GNG7: variants seen among roughly 807,000 people sequenced by gnomAD.
GNG7 encodes G protein subunit gamma 7.
In GNG7, 1 loss-of-function variant was observed where a neutral mutation model predicts 4.0. The observed-to-expected ratio is 0.25, with a 90% CI of 0.09 to 1.18. GNG7 has a LOEUF of 1.18. GNG7 is among the 50% of genes most tolerant of loss of function. The pLI, the probability that GNG7 is intolerant of heterozygous loss-of-function variation, is 0.50. For missense variants in GNG7, 86 were observed against 91.9 expected (o/e 0.94, Z 0.26); for synonymous variants, 34 against 36.9 (o/e 0.92, Z 0.29).
chr19:2,597,041 T>C lies in GNG7; in HGVS notation c.-77-41853A>G, dbSNP rs1373948694. 2.0e-5 allele frequency among the ~76,000 whole-genome samples: 3 copies of C among 151,992 alleles called. No homozygotes were observed. The East Asian group carries it at 5.8e-4, about 29-fold the overall frequency. Reference sequence around the variant, plus strand: ...TTGGAGGCTGAGGTGGGAAGATCACTTGAGGCCAGGAGTTCAAGATCATCC... The same window carrying C: ...TTGGAGGCTGAGGTGGGAAGATCACCTGAGGCCAGGAGTTCAAGATCATCC... On this transcript the variant is annotated intron_variant, in intron 2 of 4. Transcript: ENST00000382159.
chr19:2,558,784 T>C (rs2144766875), intron 2 of GNG7, among the ~76,000 whole-genome samples: 1 of 150,978 alleles, frequency 6.6e-6, no homozygotes, highest in East Asian at 1.9e-4. Context: ...CTTTCTTCTC[T>C]CTCTTTCCTT....
At chr19:2,598,677 A>AAAT (rs56068932) in intron 2 of GNG7, among the ~76,000 whole-genome samples, 3,545 of 140,946 alleles carry the variant, frequency 0.025, 53 homozygotes, top group East Asian at 0.033. Flanking sequence ...AAAAGTAATA[A>AAAT]AATAATAATA....
intron 1 of GNG7, among the ~76,000 whole-genome samples, chr19:2,663,351 C>CT (rs1296719522): frequency 1.3e-5 from 2 of 151,632 alleles, no homozygotes; most frequent in African/African-American, 4.9e-5. Flanking sequence ...TCTCTCCCCC[C>CT]CCTCCTCTTT....
intron 3 of GNG7, among the ~76,000 whole-genome samples, chr19:2,528,122 T>A (rs769697926): frequency 6.7e-6 from 1 of 149,982 alleles, no homozygotes; most frequent in Non-Finnish European, 1.5e-5. Flanking sequence ...TACAAAAAAA[T>A]GAGCCAGGCA....
chr19:2,656,760 C>G (rs1982986432), intron 1 of GNG7, among the ~76,000 whole-genome samples: 1 of 152,118 alleles, frequency 6.6e-6, no homozygotes. Context: ...TCCTACAGCA[C>G]AGCTGGGAGG....
chr19:2,539,820 G>T (rs541592966), intron 3 of GNG7, among the ~76,000 whole-genome samples: 1 of 129,914 alleles, frequency 7.7e-6, no homozygotes, highest in Non-Finnish European at 1.7e-5. Context: ...ACACACCATC[G>T]CAGGAACTCA....
At position 2,676,193 on chromosome 19, in the gene GNG7, A is replaced by G. The variant is rs1426184765; in HGVS notation, c.-135+26453T>C. On this transcript the variant is annotated intron_variant, in intron 1 of 4. Transcript: ENST00000382159. ...TTCTGGGCCGGGAACGGCCCTGCCC[A>G]CACCTTCGTCTCAGACTTCTGGCTT... Among the ~76,000 whole-genome samples the G allele has an allele frequency of 2.0e-5, 3 of 152,328 alleles. No individual in the cohort carries two copies. The South Asian group carries it at 6.2e-4, about 32-fold the overall frequency.
Position 2,587,228 on chromosome 19 carries a change from G to A in GNG7, c.-77-32040C>T, listed in dbSNP as rs978708398. Among the ~76,000 whole-genome samples the A allele has an allele frequency of 3.9e-5, 6 of 152,002 alleles. No individual in the cohort carries two copies. The East Asian group carries it at 1.2e-3, about 29-fold the overall frequency. On this transcript the variant is annotated intron_variant, in intron 2 of 4. Coordinates refer to ENST00000382159, the MANE Select transcript of GNG7 (RefSeq NM_052847.3). ...GTGACCTGCACACAATCACCAGATCGTCCCTGAGCATCTGGCTCTAGGGTC... is the reference window on the plus strand; with the variant it reads ...GTGACCTGCACACAATCACCAGATCATCCCTGAGCATCTGGCTCTAGGGTC...
At chr19:2,531,228 C>T (rs1274820639) in intron 3 of GNG7, among the ~76,000 whole-genome samples, 6 of 139,110 alleles carry the variant, frequency 4.3e-5, no homozygotes, top group South Asian at 4.7e-4. Flanking sequence ...CCCTTGAATC[C>T]GGGAGACGGT....
chr19:2,657,362 ATATATATATATATATATAT>A (rs1286593497), intron 1 of GNG7, among the ~76,000 whole-genome samples: 2 of 10,776 alleles, frequency 1.9e-4, no homozygotes, highest in African/African-American at 4.1e-4. Flanking sequence ...AAAAAAAAAA[ATATATATATATATATATAT>A]ATATATATAT....
At chr19:2,569,092 CACAT>C (rs963369838) in intron 2 of GNG7, among the ~76,000 whole-genome samples, 41 of 152,000 alleles carry the variant, frequency 2.7e-4, no homozygotes, top group African/African-American at 8.9e-4. Flanking sequence ...AGCACACACA[CACAT>C]ACACACAAAT....
intron 3 of GNG7, among the ~76,000 whole-genome samples, chr19:2,553,650 T>C (rs1490147731): frequency 5.2e-5 from 5 of 96,000 alleles, no homozygotes; most frequent in African/African-American, 1.6e-4. Flanking sequence ...TATGTTATAT[T>C]ACATACATGC....
intron 1 of GNG7, among the ~76,000 whole-genome samples, chr19:2,671,000 T>C (rs961919845): frequency 6.6e-6 from 1 of 151,924 alleles, no homozygotes; most frequent in African/African-American, 2.4e-5. Flanking sequence ...TCCCCCTGAT[T>C]TTGGGAGTTT....
chr19:2,643,695 TCA>T, intron 2 of GNG7: 1 of 453,398 alleles, frequency 2.2e-6, no homozygotes, highest in Non-Finnish European at 4.4e-6. Context: ...TCTGTTGGTG[TCA>T]CAGCTTCACT....
intron 2 of GNG7, among the ~76,000 whole-genome samples, chr19:2,591,290 T>C (rs1980843357): frequency 6.6e-6 from 1 of 152,276 alleles, no homozygotes; most frequent in South Asian, 2.1e-4. Flanking sequence ...ATACTCCTAC[T>C]TGCCAATACT....
At chr19:2,701,907 G>A (rs1396856496) in intron 1 of GNG7, among the ~76,000 whole-genome samples, 1 of 109,156 alleles carries the variant, frequency 9.2e-6, no homozygotes, top group East Asian at 2.6e-4. Flanking sequence ...TACAATTCCA[G>A]CCCCCTCCCC....
At chr19:2,664,954 C>A (rs1476035791) in intron 1 of GNG7, among the ~76,000 whole-genome samples, 2 of 151,724 alleles carry the variant, frequency 1.3e-5, no homozygotes, top group African/African-American at 4.8e-5. Flanking sequence ...TCAGTTGACA[C>A]CCCCTGAATT....
chr19:2,650,183 C>CTTTTTTTTTTTTT (rs529803793), intron 1 of GNG7, among the ~76,000 whole-genome samples: 3 of 126,004 alleles, frequency 2.4e-5, no homozygotes, highest in South Asian at 2.6e-4. Context: ...TCATAGGAAT[C>CTTTTTTTTTTTTT]TTTTTTTTTT....
chr19:2,640,127 GGGAGGGA>G (rs1264203804), intron 2 of GNG7, among the ~76,000 whole-genome samples: 2 of 121,342 alleles, frequency 1.6e-5, no homozygotes, highest in African/African-American at 6.3e-5. Context: ...GAGGGGAGGA[GGGAGGGA>G]GGAGGGAGGG....
Sources: allele counts gnomAD v4.1 joint callset (sites outside exome capture counted in the v4.1 genomes callset), GRCh38; gene constraint gnomAD v4.1.1; transcripts MANE v1.5; gene names NCBI Gene and HGNC (gene_info 2026-07-23, HGNC 2026-07-21).